The following CALN1 variants were observed in gnomAD, a reference collection of about 807,000 sequenced individuals.
CALN1 encodes the protein calcium-binding protein 8.
A neutral mutation model predicts 30.6 loss-of-function variants in CALN1; 17 were observed. That is an observed-to-expected ratio of 0.56 (90% CI 0.38 to 0.83). CALN1 has a LOEUF of 0.83. Ranked by LOEUF, CALN1 falls within the 40% of genes least tolerant of loss-of-function variation. CALN1 has a pLI of 0.00. For synonymous variants in CALN1, 156 were observed against 131.4 expected (o/e 1.19, Z -1.28); for missense variants, 291 against 354.9 (o/e 0.82, Z 1.45).
At chr7:72,043,497 G>A (rs1469622624) in intron 4 of CALN1, among the ~76,000 whole-genome samples, 2 of 152,202 alleles carry the variant, frequency 1.3e-5, no homozygotes, top group African/African-American at 2.4e-5. Flanking sequence ...AGCCAGGCAT[G>A]GTGGCTCATG....
chr7:72,231,462 C>T (rs903300209), intron 3 of CALN1, among the ~76,000 whole-genome samples: 1 of 152,170 alleles, frequency 6.6e-6, no homozygotes. Flanking sequence ...AGGACAGGAT[C>T]TCATTCTTTT....
In CALN1 at chr7:72,403,243, A is replaced by G. The variant is rs62463250; in HGVS notation, c.119+8T>C. Reference sequence around the variant, plus strand: ...CTAGGTCCTTGGGTTTGGGGGAAGAAGACTTGCCAGGTGGGGAAGTCGGGG... The same window carrying G: ...CTAGGTCCTTGGGTTTGGGGGAAGAGGACTTGCCAGGTGGGGAAGTCGGGG... On this transcript the variant is annotated splice_region_variant and intron_variant, in intron 2 of 6. Coordinates refer to ENST00000395275, the MANE Select transcript of CALN1 (RefSeq NM_031468.4). The G allele has an allele frequency of 2.6e-6, 4 of 1,546,104 alleles. No homozygotes were observed. The highest frequency in any genetic ancestry group is 3.5e-6 in the Non-Finnish European group (4 of 1,145,556).
chr7:71,892,333 T>C (rs560971185), intron 5 of CALN1, among the ~76,000 whole-genome samples: 1 of 152,276 alleles, frequency 6.6e-6, no homozygotes, highest in Non-Finnish European at 1.5e-5. Context: ...TCTAGTATTT[T>C]TCTCATAAAA....
chr7:71,926,190 C>A lies in CALN1; in HGVS notation c.501+97467G>T, dbSNP rs979009866. On this transcript the variant is annotated intron_variant, in intron 5 of 6. Coordinates refer to ENST00000395275, the MANE Select transcript of CALN1 (RefSeq NM_031468.4). ...CCTCCTCTCCCCAACCCCCTAACCA[C>A]CACAGCCTGCACACAGCTCCATGTG... 2.6e-5 allele frequency among the ~76,000 whole-genome samples: 4 copies of A among 152,176 alleles called. No homozygotes were observed. The East Asian group carries it at 5.8e-4, about 22-fold the overall frequency.
chr7:72,265,984 A>T (rs1796570349), intron 3 of CALN1, among the ~76,000 whole-genome samples: 1 of 152,158 alleles, frequency 6.6e-6, no homozygotes, highest in South Asian at 2.1e-4. Flanking sequence ...AATAAAAAAC[A>T]AAACAAAATT....
At position 72,436,168 on chromosome 7, in the gene CALN1, T is replaced by C. The variant is rs147449124; in HGVS notation, c.-226+10874A>G. Among the ~76,000 whole-genome samples the C allele has an allele frequency of 1.8e-3, 278 of 152,326 alleles. 1 individual carries two copies. The highest frequency in any genetic ancestry group is 5.0e-3 in the African/African-American group (209 of 41,568). ...GGCTCAGCCTGCTACACTGCTGATA[T>C]GGTTTGGCTGTGTCCCCACCCAAGT... is the stretch of plus-strand genomic sequence containing the variant. On this transcript the variant is annotated intron_variant, in intron 1 of 6. Coordinates refer to the CALN1 transcript ENST00000395276.
chr7:71,790,136 G>A (rs1487285312), intron 6 of CALN1, among the ~76,000 whole-genome samples: 2 of 125,798 alleles, frequency 1.6e-5, no homozygotes, highest in Non-Finnish European at 3.3e-5. Flanking sequence ...AAAGAAGAAA[G>A]AAGAAAGAAA....
At chr7:71,985,197 C>G (rs1798599934) in intron 5 of CALN1, among the ~76,000 whole-genome samples, 1 of 152,144 alleles carries the variant, frequency 6.6e-6, no homozygotes, top group Non-Finnish European at 1.5e-5. Context: ...TGTTCAGCCT[C>G]TCTGAAGTGA....
intron 3 of CALN1, among the ~76,000 whole-genome samples, chr7:72,200,668 G>GA (rs34609392): frequency 0.024 from 3,613 of 150,352 alleles, 141 homozygotes; most frequent in African/African-American, 0.082. Context: ...CGGTCTCCAT[G>GA]AAAAAAAAAC....
At chr7:72,249,043 C>T (rs13244320) in intron 3 of CALN1, among the ~76,000 whole-genome samples, 54,285 of 152,046 alleles carry the variant, frequency 0.36, 10,661 homozygotes, top group Middle Eastern at 0.55. Context: ...TGATGGATCA[C>T]GAATTTCTTC....
At chr7:72,142,030 C>T (rs564152125) in intron 3 of CALN1, among the ~76,000 whole-genome samples, 2 of 152,234 alleles carry the variant, frequency 1.3e-5, no homozygotes, top group Non-Finnish European at 2.9e-5. Context: ...CTCCAGTCTA[C>T]AGCTCCCAGC....
chr7:72,161,354 G>A (rs1419008216), intron 3 of CALN1, among the ~76,000 whole-genome samples: 1 of 152,200 alleles, frequency 6.6e-6, no homozygotes, highest in South Asian at 2.1e-4. Flanking sequence ...TAATCACCCA[G>A]CCCTGTCAAT....
intron 5 of CALN1, among the ~76,000 whole-genome samples, chr7:71,969,580 A>C (rs1420725619): frequency 6.6e-6 from 1 of 152,218 alleles, no homozygotes; most frequent in Admixed American, 6.5e-5. Flanking sequence ...ACCATGCTTT[A>C]TTCAATTTGG....
At chr7:72,070,508 A>T (rs1299162050) in intron 4 of CALN1, among the ~76,000 whole-genome samples, 3 of 152,128 alleles carry the variant, frequency 2.0e-5, no homozygotes, top group African/African-American at 7.2e-5. Context: ...CCTGCTCTTC[A>T]TAATTATTGG....
At chr7:72,203,902 T>G (rs1791616292) in intron 3 of CALN1, among the ~76,000 whole-genome samples, 1 of 149,316 alleles carries the variant, frequency 6.7e-6, no homozygotes, top group East Asian at 2.0e-4. Flanking sequence ...TCCCAATTAC[T>G]AAAGAAAAAC....
chr7:72,116,151 T>C (rs576578602), intron 3 of CALN1, among the ~76,000 whole-genome samples: 2 of 152,178 alleles, frequency 1.3e-5, no homozygotes, highest in Non-Finnish European at 2.9e-5. Flanking sequence ...TAAATACTCA[T>C]TGAACGTGCC....
At chr7:71,916,778 C>G (rs1794706369) in intron 5 of CALN1, among the ~76,000 whole-genome samples, 1 of 151,978 alleles carries the variant, frequency 6.6e-6, no homozygotes, top group Admixed American at 6.6e-5. Flanking sequence ...GCACATCCTG[C>G]ACATGTACCC....
In CALN1 at chr7:72,336,661, A is replaced by AGC. The variant is rs536514241; in HGVS notation, c.120-57853_120-57852dup. ...GAGGACCGAGGGAAGAAGAAAAGAGAGCGCGCGCGCGGGTAAGCTAGGGAG... is the reference window on the plus strand; with the variant it reads ...GAGGACCGAGGGAAGAAGAAAAGAGAGCGCGCGCGCGCGGGTAAGCTAGGGAG... On this transcript the variant is annotated intron_variant, in intron 2 of 6. Transcript: ENST00000395275. 1,343 of 974,380 alleles carry AGC rather than the reference A, an allele frequency of 1.4e-3. 3 individuals carry two copies. Among genetic ancestry groups the AGC allele is most frequent in the East Asian group, 4.8e-3 (42 of 8,728 alleles). The allele number at this position is 974,380 out of a possible 1,614,324, so 60.4% of individuals were successfully genotyped here.
intron 2 of CALN1, among the ~76,000 whole-genome samples, chr7:72,331,652 A>AC (rs1268514967): frequency 5.3e-5 from 8 of 152,090 alleles, no homozygotes; most frequent in Admixed American, 4.6e-4. Flanking sequence ...CTATTTATTT[A>AC]CTTATTCATT....
Sources: gnomAD v4.1 joint callset for allele counts (sites outside exome capture counted in the v4.1 genomes callset) on GRCh38, gnomAD v4.1.1 for gene constraint, MANE v1.5 for transcripts, NCBI Gene and HGNC (gene_info 2026-07-23, HGNC 2026-07-21) for gene names.